SDK1: variants seen among roughly 807,000 people sequenced by gnomAD.
The protein encoded by SDK1 is protein sidekick-1.
A neutral mutation model predicts 245.5 loss-of-function variants in SDK1; 157 were observed. The observed-to-expected ratio is 0.64, with a 90% CI of 0.56 to 0.73. The LOEUF (loss-of-function observed/expected upper bound fraction) is 0.73, where lower values mean the gene tolerates loss of function less well. SDK1 is among the 30% of genes least tolerant of loss of function. SDK1 has a pLI of 0.00. For missense variants in SDK1, 3,583 were observed against 3,002.3 expected, an observed-to-expected ratio of 1.19 and a Z score of -4.52; for synonymous variants, 1,647 against 1,278.5, an observed-to-expected ratio of 1.29 and a Z score of -6.15.
intron 1 of SDK1, among the ~76,000 whole-genome samples, chr7:3,398,007 A>G (rs954460351): frequency 6.6e-5 from 10 of 152,082 alleles, no homozygotes; most frequent in Non-Finnish European, 1.5e-4. Context: ...GGCATGATGT[A>G]CTGAGTAGCA....
At chr7:3,985,734 C>G (rs2128138648) in intron 13 of SDK1, among the ~76,000 whole-genome samples, 1 of 152,272 alleles carries the variant, frequency 6.6e-6, no homozygotes, top group Admixed American at 6.5e-5. Flanking sequence ...CTTTATCGCA[C>G]TAATGTACAA....
At chr7:3,649,678 G>A (rs748681307) in intron 4 of SDK1, among the ~76,000 whole-genome samples, 2 of 152,120 alleles carry the variant, frequency 1.3e-5, no homozygotes, top group Admixed American at 6.5e-5. Flanking sequence ...CAGCGGTTTA[G>A]TACTGTTATT....
chr7:4,193,238 A>G (rs1783330505), intron 35 of SDK1, among the ~76,000 whole-genome samples: 1 of 133,354 alleles, frequency 7.5e-6, no homozygotes, highest in South Asian at 2.2e-4. Context: ...AATTGTATAA[A>G]TATACAATAT....
intron 5 of SDK1, among the ~76,000 whole-genome samples, chr7:3,916,998 C>A (rs1181714359): frequency 6.6e-6 from 1 of 152,188 alleles, no homozygotes; most frequent in African/African-American, 2.4e-5. Flanking sequence ...CTATTCTAGG[C>A]CCAAAAGCTC....
intron 1 of SDK1, among the ~76,000 whole-genome samples, chr7:3,411,636 A>G (rs1290594699): frequency 1.3e-5 from 2 of 152,184 alleles, no homozygotes; most frequent in African/African-American, 2.4e-5. Context: ...ACATGAAATG[A>G]TGAAAAATAT....
chr7:3,477,230 C>G (rs532025454), intron 1 of SDK1, among the ~76,000 whole-genome samples: 2 of 109,442 alleles, frequency 1.8e-5, no homozygotes, highest in South Asian at 6.5e-4. Flanking sequence ...GAGTCTTGCT[C>G]TGTCGCTCAG....
At chr7:3,814,103 G>A (rs1280182053) in intron 4 of SDK1, among the ~76,000 whole-genome samples, 1 of 140,850 alleles carries the variant, frequency 7.1e-6, no homozygotes, top group African/African-American at 2.8e-5. Context: ...CTGTGCAGAA[G>A]CTCTTTAGTT....
At chr7:3,938,618 C>A (rs1432043450) in intron 5 of SDK1, among the ~76,000 whole-genome samples, 4 of 143,922 alleles carry the variant, frequency 2.8e-5, no homozygotes, top group African/African-American at 1.2e-4. Context: ...TGCACTCCAG[C>A]CTGGGCGACA....
intron 5 of SDK1, among the ~76,000 whole-genome samples, chr7:3,860,190 A>G (rs1485517160): frequency 6.6e-6 from 1 of 152,126 alleles, no homozygotes; most frequent in African/African-American, 2.4e-5. Context: ...AGAGTGATAG[A>G]AATATTTTAT....
At chr7:3,682,209 A>G (rs1441095486) in intron 4 of SDK1, among the ~76,000 whole-genome samples, 4 of 152,192 alleles carry the variant, frequency 2.6e-5, no homozygotes, top group Non-Finnish European at 5.9e-5. Flanking sequence ...TATTATACCC[A>G]TTTCACAGAT....
intron 1 of SDK1, among the ~76,000 whole-genome samples, chr7:3,537,430 AG>A (rs1215729407): frequency 1.3e-5 from 2 of 152,128 alleles, no homozygotes; most frequent in East Asian, 3.9e-4. Context: ...CCGCTTTCCA[AG>A]GCCCCCGACT....
At chr7:3,864,358 G>T (rs976649434) in intron 5 of SDK1, among the ~76,000 whole-genome samples, 1 of 152,152 alleles carries the variant, frequency 6.6e-6, no homozygotes, top group Non-Finnish European at 1.5e-5. Context: ...GGGGCTTTGG[G>T]AGGGAAAGAA....
intron 1 of SDK1, among the ~76,000 whole-genome samples, chr7:3,391,704 A>C (rs984056992): frequency 1.4e-5 from 2 of 145,664 alleles, no homozygotes; most frequent in African/African-American, 5.1e-5. Flanking sequence ...TGGCATGATC[A>C]TGGCTCACTG....
intron 4 of SDK1, among the ~76,000 whole-genome samples, chr7:3,689,877 A>T (rs772299239): frequency 3.3e-5 from 5 of 152,224 alleles, no homozygotes; most frequent in Non-Finnish European, 7.4e-5. Flanking sequence ...ACCATGTTTT[A>T]TTTAGAAATG....
intron 1 of SDK1, among the ~76,000 whole-genome samples, chr7:3,381,123 C>T (rs1781476979): frequency 6.6e-6 from 1 of 151,926 alleles, no homozygotes; most frequent in African/African-American, 2.4e-5. Context: ...GGGGAGTATA[C>T]AGAGTAAGAA....
intron 2 of SDK1, among the ~76,000 whole-genome samples, chr7:3,628,177 A>C (rs1003556460): frequency 6.6e-6 from 1 of 152,036 alleles, no homozygotes; most frequent in Non-Finnish European, 1.5e-5. Context: ...CTGTTCTATC[A>C]ATTGGTGAGG....
At position 3,446,781 on chromosome 7, in the gene SDK1, G is replaced by A. The variant is rs563845401; in HGVS notation, c.298+144897G>A. ...CTGCAAAGAATAGTTAATATCCAGGGTATTGTTTTAGCTGCAAGTGTTTGT... is the reference window on the plus strand; with the variant it reads ...CTGCAAAGAATAGTTAATATCCAGGATATTGTTTTAGCTGCAAGTGTTTGT... On this transcript the variant is annotated intron_variant, in intron 1 of 44. Coordinates refer to ENST00000404826, the MANE Select transcript of SDK1 (RefSeq NM_152744.4). 9.4e-4 allele frequency among the ~76,000 whole-genome samples: 143 copies of A among 152,236 alleles called. 1 individual carries two copies. Among genetic ancestry groups the A allele is most frequent in the African/African-American group, 3.3e-3 (135 of 41,536 alleles).
intron 4 of SDK1, among the ~76,000 whole-genome samples, chr7:3,814,225 C>T (rs569468865): frequency 2.0e-3 from 300 of 151,736 alleles, no homozygotes; most frequent in African/African-American, 7.1e-3. Context: ...AGGTTATCTT[C>T]TAGGGTTTTT....
intron 1 of SDK1, among the ~76,000 whole-genome samples, chr7:3,480,293 C>T (rs1315560652): frequency 6.6e-6 from 1 of 152,166 alleles, no homozygotes; most frequent in Non-Finnish European, 1.5e-5. Flanking sequence ...CAGAGTGGCT[C>T]ATGTGAAAAC....
Sources: allele counts gnomAD v4.1 joint callset (sites outside exome capture counted in the v4.1 genomes callset), GRCh38; gene constraint gnomAD v4.1.1; transcripts MANE v1.5; gene names NCBI Gene and HGNC (gene_info 2026-07-23, HGNC 2026-07-21).